Variants in PARD3 observed in about 807,000 individuals in gnomAD.
PARD3 encodes the protein par-3 family cell polarity regulator, also known as partitioning defective 3 homolog.
PARD3 carries 75 observed loss-of-function variants against 155.4 expected under a neutral mutation model. That is an observed-to-expected ratio of 0.48 (90% CI 0.40 to 0.58). PARD3 has a LOEUF of 0.58. Ranked by LOEUF, PARD3 falls within the 20% of genes least tolerant of loss-of-function variation. The pLI, the probability that PARD3 is intolerant of heterozygous loss-of-function variation, is 0.00. For missense variants in PARD3, 1,642 were observed against 1,721.7 expected, an observed-to-expected ratio of 0.95 and a Z score of 0.82; for synonymous variants, 576 against 610.5, an observed-to-expected ratio of 0.94 and a Z score of 0.83.
chr10:34,643,944 T>A (rs1358609395), intron 2 of PARD3, among the ~76,000 whole-genome samples: 1 of 152,042 alleles, frequency 6.6e-6, no homozygotes, highest in Non-Finnish European at 1.5e-5. Context: ...ATAAAGAGAA[T>A]TACAAAACAC....
At chr10:34,348,206 T>C in intron 14 of PARD3, 91 bp from the exon 15 acceptor site, 1 of 1,072,858 alleles carries the variant, frequency 9.3e-7, no homozygotes, top group Non-Finnish European at 1.3e-6. Context: ...GCCCGAGGCC[T>C]GTATCCAACT....
intron 12 of PARD3, among the ~76,000 whole-genome samples, chr10:34,361,457 CA>C (rs895554365): frequency 9.2e-5 from 14 of 152,030 alleles, no homozygotes; most frequent in African/African-American, 3.4e-4. Flanking sequence ...TTCAATAACA[CA>C]AAAAAAGTAG....
chr10:34,301,361 C>A (rs1957136954), intron 20 of PARD3, among the ~76,000 whole-genome samples: 1 of 152,190 alleles, frequency 6.6e-6, no homozygotes, highest in Non-Finnish European at 1.5e-5. Flanking sequence ...TAATTAAAAA[C>A]ACATCCTTGC....
intron 1 of PARD3, among the ~76,000 whole-genome samples, chr10:34,775,062 A>G (rs1839368692): frequency 1.3e-5 from 2 of 152,254 alleles, no homozygotes; most frequent in South Asian, 4.1e-4. Flanking sequence ...AATATGAGCA[A>G]AAGTGGGCAT....
intron 2 of PARD3, among the ~76,000 whole-genome samples, chr10:34,548,892 C>T (rs1033238016): frequency 6.6e-6 from 1 of 152,236 alleles, no homozygotes; most frequent in African/African-American, 2.4e-5. Context: ...AGTCCACTTT[C>T]AACTACTTGG....
At chr10:34,676,614 G>A (rs1031659993) in intron 2 of PARD3, among the ~76,000 whole-genome samples, 1 of 152,136 alleles carries the variant, frequency 6.6e-6, no homozygotes, top group African/African-American at 2.4e-5. Flanking sequence ...GGAACGACAC[G>A]CAATTAGAAG....
intron 2 of PARD3, among the ~76,000 whole-genome samples, chr10:34,693,059 C>T (rs2496738): frequency 0.61 from 92,537 of 152,078 alleles, 29,083 homozygotes; most frequent in Non-Finnish European, 0.67. Flanking sequence ...ATCCGTGTCG[C>T]GTGAGAAATT....
intron 18 of PARD3, among the ~76,000 whole-genome samples, chr10:34,335,533 G>C (rs866332455): frequency 3.3e-5 from 5 of 151,918 alleles, no homozygotes; most frequent in Non-Finnish European, 7.4e-5. Flanking sequence ...CAAAATCGAT[G>C]ACTATAATGC....
chr10:34,406,709 G>A (rs1002427264), intron 5 of PARD3, among the ~76,000 whole-genome samples: 3 of 150,982 alleles, frequency 2.0e-5, no homozygotes, highest in Non-Finnish European at 4.4e-5. Flanking sequence ...TGATACTTTT[G>A]AATATTTGAA....
At chr10:34,790,942 G>C (rs763773000) in intron 1 of PARD3, among the ~76,000 whole-genome samples, 30 of 152,168 alleles carry the variant, frequency 2.0e-4, no homozygotes, top group Non-Finnish European at 4.0e-4. Context: ...CGCATGCACA[G>C]GGAAGCGCAT....
At chr10:34,659,763 T>C (rs1433741494) in intron 2 of PARD3, among the ~76,000 whole-genome samples, 1 of 152,198 alleles carries the variant, frequency 6.6e-6, no homozygotes, top group Non-Finnish European at 1.5e-5. Flanking sequence ...CCTGACTCAG[T>C]AAAGCCTTAC....
chr10:34,380,845 G>GAGAT (rs1209513511), intron 9 of PARD3, among the ~76,000 whole-genome samples: 3 of 152,126 alleles, frequency 2.0e-5, no homozygotes, highest in African/African-American at 7.2e-5. Context: ...CCTTTGTTTA[G>GAGAT]AGATATCAAG....
chr10:34,744,971 C>A (rs1835124757), intron 1 of PARD3, among the ~76,000 whole-genome samples: 1 of 152,170 alleles, frequency 6.6e-6, no homozygotes, highest in African/African-American at 2.4e-5. Context: ...CCTCGACCAC[C>A]CCTTGGACCC....
At chr10:34,355,952 C>A (rs145558868) in intron 14 of PARD3, among the ~76,000 whole-genome samples, 15,407 of 100,548 alleles carry the variant, frequency 0.15, 969 homozygotes, top group African/African-American at 0.18. Flanking sequence ...AAAAACAAAA[C>A]AAAACCAAAC....
rs565659406 is a variant in PARD3 at position 34,657,939 on chromosome 10, G to A, written c.222+38379C>T. Among the ~76,000 whole-genome samples the A allele has an allele frequency of 1.2e-4, 19 of 152,152 alleles. No homozygotes were observed. The South Asian group carries it at 1.5e-3, about 12-fold the overall frequency. On this transcript the variant is annotated intron_variant, in intron 2 of 24. Transcript: ENST00000374788. ...AGGTGGGCGGATCACGAGGTCAGGA[G>A]ATCGAGACTGTCCTAGCTAACACAG...
At chr10:34,548,628 A>T (rs1589969361) in intron 2 of PARD3, among the ~76,000 whole-genome samples, 4 of 152,294 alleles carry the variant, frequency 2.6e-5, no homozygotes, top group Admixed American at 2.6e-4. Context: ...TAAACACAGC[A>T]GTCACTCAAT....
chr10:34,732,774 G>A lies in PARD3; in HGVS notation c.121-36355C>T, dbSNP rs576781351. Among the ~76,000 whole-genome samples, 141 of 152,292 alleles carry A rather than the reference G, an allele frequency of 9.3e-4. 1 individual carries two copies. Among genetic ancestry groups the A allele is most frequent in the African/African-American group, 3.2e-3 (135 of 41,552 alleles). ...GAGTTAAAATTCATATAGAATTTAC[G>A]TTACGCCATAATATTTGCCTTTGCA... On this transcript the variant is annotated intron_variant, in intron 1 of 24. Coordinates refer to ENST00000374788, the MANE Select transcript of PARD3 (RefSeq NM_001184785.2).
At chr10:34,270,887 G>C (rs1955581558) in intron 21 of PARD3, among the ~76,000 whole-genome samples, 1 of 152,052 alleles carries the variant, frequency 6.6e-6, no homozygotes, top group East Asian at 1.9e-4. Context: ...GTTACGTTTA[G>C]TTTACTATGA....
In PARD3 at chr10:34,470,191, T is replaced by A; in HGVS notation, c.476A>T (p.Asn159Ile). ...CCTTGAAGGCTCTTCAGAGGAAAAA[T>A]TACTATCACTGACAGAAGTGGAGAG... ...IGLSTSVSDS[N>I]FSSEEPSRKN... Residue 159 changes from asparagine (N) to isoleucine (I), a missense_variant, in exon 4 of 25, where the codon AAT becomes ATT. By Grantham distance (149) the Asn-to-Ile change is moderately radical (BLOSUM62 -3). Around this residue, in one of 3 missense-constraint regions of PARD3, gnomAD observed 1,529 missense variants for 1,587.3 expected, o/e 0.96. Transcript: ENST00000374788. The A allele has an allele frequency of 6.2e-7, 1 of 1,613,298 alleles. No homozygotes were observed. Among genetic ancestry groups the A allele is most frequent in the Non-Finnish European group, 8.5e-7 (1 of 1,179,676 alleles).
Sources: allele counts gnomAD v4.1 joint callset (sites outside exome capture counted in the v4.1 genomes callset), GRCh38; gene constraint gnomAD v4.1.1; regional missense constraint gnomAD v4.1.1; transcripts MANE v1.5; gene names NCBI Gene and HGNC (gene_info 2026-07-23, HGNC 2026-07-21).